The following FRMD3 variants were observed in gnomAD, a reference collection of about 807,000 sequenced individuals.
FRMD3 encodes FERM domain-containing protein 3.
FRMD3 carries 33 observed loss-of-function variants against 70.2 expected under a neutral mutation model. That is an observed-to-expected ratio of 0.47 (90% CI 0.36 to 0.63). FRMD3 has a LOEUF of 0.63. Ranked by LOEUF, FRMD3 falls within the 20% of genes least tolerant of loss-of-function variation. The pLI, the probability that FRMD3 is intolerant of heterozygous loss-of-function variation, is 0.00. For missense variants in FRMD3, 632 were observed against 711.4 expected (o/e 0.89, Z 1.27); for synonymous variants, 279 against 255.9 (o/e 1.09, Z -0.86).
At chr9:83,571,475 T>C in the FRMD3 span, among the ~76,000 whole-genome samples, 151 of 152,282 alleles carry the variant, frequency 9.9e-4, 1 homozygote, top group Admixed American at 3.7e-3. Flanking sequence ...TTCATGAAAA[T>C]AGTGACGACT....
chr9:83,393,265 A>T (rs1030717932), intron 1 of FRMD3, among the ~76,000 whole-genome samples: 1 of 152,226 alleles, frequency 6.6e-6, no homozygotes, highest in Admixed American at 6.5e-5. Flanking sequence ...GTACTAAAAT[A>T]ATGTGAAGAC....
chr9:83,420,673 G>A (rs546675712), intron 1 of FRMD3, among the ~76,000 whole-genome samples: 3 of 152,304 alleles, frequency 2.0e-5, no homozygotes, highest in African/African-American at 7.2e-5. Flanking sequence ...GGCCCTGGTG[G>A]AAGATGTTTG....
chr9:83,564,832 A>G, the FRMD3 span, among the ~76,000 whole-genome samples: 1 of 152,204 alleles, frequency 6.6e-6, no homozygotes. Context: ...CATCCCAGGA[A>G]ACATGCAGAG....
At chr9:83,392,446 G>A (rs1825692374) in intron 1 of FRMD3, among the ~76,000 whole-genome samples, 1 of 152,130 alleles carries the variant, frequency 6.6e-6, no homozygotes, top group African/African-American at 2.4e-5. Flanking sequence ...TCAGGAGTCA[G>A]GTGCATGAGG....
intron 1 of FRMD3, among the ~76,000 whole-genome samples, chr9:83,487,237 A>G (rs1021716183): frequency 5.9e-5 from 9 of 152,222 alleles, no homozygotes; most frequent in African/African-American, 2.2e-4. Context: ...AATAGATTAT[A>G]AAAGGCCACT....
chr9:83,570,974 A>G, the FRMD3 span, among the ~76,000 whole-genome samples: 1 of 152,164 alleles, frequency 6.6e-6, no homozygotes, highest in Non-Finnish European at 1.5e-5. Flanking sequence ...TATGTTTTGG[A>G]TTTAGTCTGT....
At chr9:83,407,672 A>G (rs535332615) in intron 1 of FRMD3, among the ~76,000 whole-genome samples, 11 of 152,220 alleles carry the variant, frequency 7.2e-5, no homozygotes, top group Non-Finnish European at 1.6e-4. Context: ...GCAAAAACCA[A>G]TAAGTATTCT....
chr9:83,441,150 T>C (rs567086020), intron 1 of FRMD3, among the ~76,000 whole-genome samples: 4 of 152,294 alleles, frequency 2.6e-5, no homozygotes, highest in Admixed American at 6.5e-5. Flanking sequence ...AAAATCAATG[T>C]TCTATGCGGC....
chr9:83,309,259 T>TACAC (rs3029557), intron 10 of FRMD3, among the ~76,000 whole-genome samples: 2,492 of 138,322 alleles, frequency 0.018, 26 homozygotes, highest in African/African-American at 0.031. Context: ...CTATTTGAAA[T>TACAC]ACACACACAC....
the FRMD3 span, among the ~76,000 whole-genome samples, chr9:83,551,391 G>A: frequency 9.0e-4 from 137 of 152,214 alleles, no homozygotes; most frequent in African/African-American, 3.1e-3. Context: ...ATTTTCTTGA[G>A]GATTTTTGTA....
intron 5 of FRMD3, among the ~76,000 whole-genome samples, chr9:83,341,888 G>A (rs963151211): frequency 7.9e-5 from 12 of 152,122 alleles, no homozygotes; most frequent in African/African-American, 1.7e-4. Context: ...CAGGGAGGGC[G>A]GTGGGCCACA....
intron 1 of FRMD3, among the ~76,000 whole-genome samples, chr9:83,506,320 A>T (rs1829181099): frequency 6.6e-6 from 1 of 152,206 alleles, no homozygotes; most frequent in Non-Finnish European, 1.5e-5. Flanking sequence ...GTTATTTATC[A>T]AGGGGGTTAC....
At chr9:83,444,702 G>C (rs879288452) in intron 1 of FRMD3, among the ~76,000 whole-genome samples, 5 of 152,118 alleles carry the variant, frequency 3.3e-5, no homozygotes, top group Admixed American at 1.3e-4. Context: ...GCAACAACAG[G>C]CTAAAAATTT....
intron 13 of FRMD3, among the ~76,000 whole-genome samples, chr9:83,277,386 A>G (rs1341865433): frequency 6.6e-6 from 1 of 151,878 alleles, no homozygotes; most frequent in Non-Finnish European, 1.5e-5. Context: ...TTTTTAAGAG[A>G]TGGAGTCTCA....
Position 83,246,683 on chromosome 9 carries a change from ACG to A in FRMD3, c.*1233_*1234del, listed in dbSNP as rs1832121448. On this transcript the variant is annotated 3_prime_UTR_variant, in exon 14 of 14. Transcript: ENST00000304195. ...CTCTCTCTCTCTCACACACACACACACGCACACTCACATACAAACACATTTTT... is the reference window on the plus strand; with the variant it reads ...CTCTCTCTCTCTCACACACACACACACACACTCACATACAAACACATTTTT... The A allele has an allele frequency of 2.0e-6, 2 of 982,804 alleles. No individual in the cohort carries two copies. The highest frequency in any genetic ancestry group is 1.8e-5 in the African/African-American group (1 of 56,770). The allele number at this position is 982,804 out of a possible 1,614,324, so 60.9% of individuals were successfully genotyped here.
chr9:83,298,697 G>C (rs1834774831), intron 12 of FRMD3, 51 bp downstream of exon 12: 8 of 1,451,208 alleles, frequency 5.5e-6, no homozygotes, highest in Non-Finnish European at 7.7e-6. Context: ...AGGGGATTTG[G>C]AAAAGCCAGC....
chr9:83,451,240 T>C lies in FRMD3; in HGVS notation c.148-61532A>G, dbSNP rs533811366. Among the ~76,000 whole-genome samples the C allele has an allele frequency of 5.3e-5, 8 of 152,252 alleles. No homozygotes were observed. In the South Asian group the frequency reaches 1.7e-3, roughly 32 times the overall value. ...ATTTTCCATACTACACATGTACTTA[T>C]TAGAAAAGGTAGCTTTTAATTTCTT... On this transcript the variant is annotated intron_variant, in intron 1 of 13. Transcript: ENST00000304195.
At chr9:83,498,931 A>C (rs1435993306) in intron 1 of FRMD3, among the ~76,000 whole-genome samples, 1 of 152,182 alleles carries the variant, frequency 6.6e-6, no homozygotes, top group African/African-American at 2.4e-5. Context: ...AAGATCTACC[A>C]TATGATAATA....
chr9:83,269,668 C>T (rs113798393), intron 13 of FRMD3, among the ~76,000 whole-genome samples: 19 of 152,152 alleles, frequency 1.2e-4, no homozygotes, highest in Admixed American at 3.9e-4. Context: ...GAGATCTCAC[C>T]GCCGCACTCT....
Sources: gnomAD v4.1 joint callset for allele counts (sites outside exome capture counted in the v4.1 genomes callset) on GRCh38, gnomAD v4.1.1 for gene constraint, MANE v1.5 for transcripts, NCBI Gene and HGNC (gene_info 2026-07-23, HGNC 2026-07-21) for gene names.